Variants in ACYP2 observed in about 807,000 individuals in gnomAD.
ACYP2 encodes acylphosphatase-2.
ACYP2 carries 12 observed loss-of-function variants against 11.2 expected under a neutral mutation model. That is an observed-to-expected ratio of 1.08 (90% CI 0.69 to 1.74). The LOEUF is 1.74. ACYP2 is among the 40% of genes most tolerant of loss of function. The pLI is 0.00. For synonymous variants in ACYP2, 43 were observed against 32.2 expected (o/e 1.33, Z -1.13); for missense variants, 134 against 101.9 (o/e 1.31, Z -1.35).
At chr2:54,215,588 T>C (rs1277423373) in intron 6 of ACYP2, among the ~76,000 whole-genome samples, 10 of 152,204 alleles carry the variant, frequency 6.6e-5, no homozygotes, top group Non-Finnish European at 1.3e-4. Flanking sequence ...ATCTTGTAGA[T>C]AGCTGCTATT....
chr2:54,156,286 G>A (rs970215660), intron 6 of ACYP2, among the ~76,000 whole-genome samples: 4 of 152,060 alleles, frequency 2.6e-5, no homozygotes, highest in African/African-American at 9.7e-5. Flanking sequence ...TAAGTTCCAG[G>A]ATACATGTGC....
At position 54,051,502 on chromosome 2, in the gene ACYP2, G is replaced by A. The variant is rs10192559; in HGVS notation, c.155+452G>A. On this transcript the variant is annotated intron_variant, in intron 3 of 6. Transcript: ENST00000607452. ...CAGTGCACCCAAGAGGACTCCTTTG[G>A]GCTTTTTTTCTGTTCTGTTCTGAGA... The A allele has an allele frequency of 3.5e-3, 2,465 of 706,248 alleles. 49 individuals are homozygous for A. The African/African-American group carries it at 0.04, about 11-fold the overall frequency. The allele number at this position is 706,248 out of a possible 1,614,324, so 43.7% of individuals were successfully genotyped here.
chr2:54,181,489 T>C (rs1174537129), intron 6 of ACYP2, among the ~76,000 whole-genome samples: 2 of 152,182 alleles, frequency 1.3e-5, no homozygotes, highest in Non-Finnish European at 2.9e-5. Flanking sequence ...CTTATAGTAG[T>C]AGCAGAATTA....
At chr2:54,084,571 C>A (rs1389411722) in intron 4 of ACYP2, 1 of 152,254 alleles carries the variant, frequency 6.6e-6, no homozygotes, top group Non-Finnish European at 1.5e-5. Context: ...GGATTACAGG[C>A]ATGAGCCACT....
At position 54,269,024 on chromosome 2, in the gene ACYP2, C is replaced by A. The variant is rs145900872; in HGVS notation, c.405-35664C>A. On this transcript the variant is annotated intron_variant, in intron 6 of 6. Coordinates refer to ENST00000607452, the MANE Select transcript of ACYP2 (RefSeq NM_001320586.2). ...ATTTCCATCTTACTTATAAATGTAT[C>A]CAAGGCTTACAAATAAGTAATTTGT... Among the ~76,000 whole-genome samples, 626 of 152,218 alleles carry A rather than the reference C, an allele frequency of 4.1e-3. 8 individuals carry two copies. The highest frequency in any genetic ancestry group is 0.014 in the African/African-American group (584 of 41,530).
At chr2:53,998,017 A>C (rs1672652910) in intron 2 of ACYP2, among the ~76,000 whole-genome samples, 1 of 152,174 alleles carries the variant, frequency 6.6e-6, no homozygotes, top group African/African-American at 2.4e-5. Flanking sequence ...TGTATAAAAA[A>C]ACTTGTATAC....
At chr2:54,280,377 G>C (rs1035290789) in intron 6 of ACYP2, among the ~76,000 whole-genome samples, 1 of 152,122 alleles carries the variant, frequency 6.6e-6, no homozygotes, top group Admixed American at 6.5e-5. Context: ...GGGTGGGAAG[G>C]GGGCATGGAG....
intron 1 of ACYP2, among the ~76,000 whole-genome samples, chr2:53,971,548 C>A (rs1671116677): frequency 6.6e-6 from 1 of 151,908 alleles, no homozygotes; most frequent in South Asian, 2.1e-4. Context: ...ATTTGAACAG[C>A]TGTTTTGTGT....
rs189788224 is a variant in ACYP2 at position 54,279,307 on chromosome 2, G to A, written c.405-25381G>A. ...GCTTATTTGTTTATGTATTATCTGT[G>A]GCTGCTTGTGCACTATAGTGACCCA... On this transcript the variant is annotated intron_variant, in intron 6 of 6. Coordinates refer to ENST00000607452, the MANE Select transcript of ACYP2 (RefSeq NM_001320586.2). 5.8e-4 allele frequency among the ~76,000 whole-genome samples: 89 copies of A among 152,188 alleles called. 1 individual carries two copies. Among genetic ancestry groups the A allele is most frequent in the African/African-American group, 2.0e-3 (84 of 41,506 alleles).
intron 6 of ACYP2, among the ~76,000 whole-genome samples, chr2:54,180,810 C>A (rs150096543): frequency 3.3e-5 from 5 of 152,270 alleles, no homozygotes; most frequent in African/African-American, 1.2e-4. Context: ...CTGCCTCAGC[C>A]TCCGAAAATT....
intron 6 of ACYP2, among the ~76,000 whole-genome samples, chr2:54,283,857 G>A (rs1688954819): frequency 6.6e-6 from 1 of 152,246 alleles, no homozygotes; most frequent in African/African-American, 2.4e-5. Context: ...GCTCACGCCT[G>A]TAATCCCAGC....
At chr2:54,060,246 T>G (rs1470785579) in intron 4 of ACYP2, among the ~76,000 whole-genome samples, 1 of 152,202 alleles carries the variant, frequency 6.6e-6, no homozygotes, top group Non-Finnish European at 1.5e-5. Flanking sequence ...AGCATCTTAT[T>G]TTTTTCTCTC....
intron 2 of ACYP2, among the ~76,000 whole-genome samples, chr2:53,990,419 C>G (rs551365956): frequency 2.0e-5 from 3 of 152,126 alleles, no homozygotes; most frequent in African/African-American, 7.2e-5. Flanking sequence ...GAGGCTGAGG[C>G]AGGTGGATCA....
chr2:54,270,043 A>ATAGTATGTTTATGTCCTC (rs1192805426), intron 6 of ACYP2, among the ~76,000 whole-genome samples: 104 of 152,262 alleles, frequency 6.8e-4, no homozygotes, highest in African/African-American at 2.1e-3. Flanking sequence ...TCATATGCAA[A>ATAGTATGTTTATGTCCTC]TAGTATGTTT....
At chr2:54,155,198 A>G (rs13399590) in intron 6 of ACYP2, among the ~76,000 whole-genome samples, 37,516 of 151,452 alleles carry the variant, frequency 0.25, 4,590 homozygotes, top group East Asian at 0.31. Context: ...TTCTAGGTTA[A>G]CCTAACTGTA....
chr2:54,236,378 G>A (rs1318930071), intron 6 of ACYP2, among the ~76,000 whole-genome samples: 1 of 152,096 alleles, frequency 6.6e-6, no homozygotes, highest in Non-Finnish European at 1.5e-5. Context: ...TTTTAATGGT[G>A]CACCTCATAA....
chr2:54,070,118 A>T (rs1676955600), intron 4 of ACYP2, among the ~76,000 whole-genome samples: 1 of 152,076 alleles, frequency 6.6e-6, no homozygotes, highest in Non-Finnish European at 1.5e-5. Context: ...TAAAAATACA[A>T]AATTAGTTGG....
At chr2:54,093,855 A>G (rs571588921) in intron 4 of ACYP2, among the ~76,000 whole-genome samples, 4 of 152,126 alleles carry the variant, frequency 2.6e-5, no homozygotes, top group Admixed American at 6.5e-5. Flanking sequence ...CAGGAGAATG[A>G]CATGAACCTG....
chr2:54,273,120 C>A (rs1358021218), intron 6 of ACYP2, among the ~76,000 whole-genome samples: 1 of 152,178 alleles, frequency 6.6e-6, no homozygotes, highest in Admixed American at 6.5e-5. Flanking sequence ...TCTGTTACAG[C>A]AACAATATGA....
Sources: gnomAD v4.1 joint callset for allele counts (sites outside exome capture counted in the v4.1 genomes callset) on GRCh38, gnomAD v4.1.1 for gene constraint, MANE v1.5 for transcripts, NCBI Gene and HGNC (gene_info 2026-07-23, HGNC 2026-07-21) for gene names.